CAAP1: variants seen among roughly 807,000 people sequenced by gnomAD.
CAAP1 encodes caspase activity and apoptosis inhibitor 1.
Under a neutral mutation model 34.0 loss-of-function variants are expected in CAAP1, and 20 were observed. The observed-to-expected ratio is 0.59, with a 90% CI of 0.41 to 0.86. The LOEUF is 0.86. Ranked by LOEUF, CAAP1 falls within the 40% of genes least tolerant of loss-of-function variation. The pLI is 0.00. For synonymous variants in CAAP1, 213 were observed against 166.7 expected (o/e 1.28, Z -2.14); for missense variants, 538 against 450.5 (o/e 1.19, Z -1.76).
Position 26,892,739 on chromosome 9 carries a change from A to C in CAAP1, c.-24T>G. 2 of 1,557,522 alleles carry C rather than the reference A, an allele frequency of 1.3e-6. No homozygotes were observed. Among genetic ancestry groups the C allele is most frequent in the South Asian group, 1.2e-5 (1 of 85,150 alleles). On this transcript the variant is annotated 5_prime_UTR_variant, in exon 1 of 6. Transcript: ENST00000333916. ...ATGATCCCTCTGCTGCAACCATCGGAGGAAAGTCCGCTGTCTCTGGTGCGA... is the reference window on the plus strand; with the variant it reads ...ATGATCCCTCTGCTGCAACCATCGGCGGAAAGTCCGCTGTCTCTGGTGCGA...
chr9:26,863,770 A>C (rs1387844006), intron 4 of CAAP1, among the ~76,000 whole-genome samples: 11 of 95,570 alleles, frequency 1.2e-4, no homozygotes, highest in African/African-American at 4.3e-4. Context: ...TTCCGTTTAA[A>C]TTAAAAAAAA....
chr9:26,849,741 G>T (rs1403246777), intron 5 of CAAP1, among the ~76,000 whole-genome samples: 15 of 151,686 alleles, frequency 9.9e-5, no homozygotes. Flanking sequence ...TAAAGTACTA[G>T]CAGTGCCTTT....
intron 5 of CAAP1, among the ~76,000 whole-genome samples, chr9:26,855,553 G>A (rs895135695): frequency 6.6e-6 from 1 of 152,042 alleles, no homozygotes; most frequent in African/African-American, 2.4e-5. Context: ...GGAACTCTCT[G>A]TACTTCCTGC....
intron 1 of CAAP1, among the ~76,000 whole-genome samples, chr9:26,889,082 A>G (rs1287873316): frequency 6.6e-6 from 1 of 152,170 alleles, no homozygotes; most frequent in Non-Finnish European, 1.5e-5. Flanking sequence ...TATAAACTAA[A>G]CGTTACACAT....
chr9:26,844,188 T>C (rs1464883808), intron 5 of CAAP1, among the ~76,000 whole-genome samples: 6 of 152,012 alleles, frequency 3.9e-5, no homozygotes, highest in African/African-American at 1.5e-4. Context: ...AGAAATCCCA[T>C]CTCTACTAAA....
chr9:26,889,498 A>G (rs1823844338), intron 1 of CAAP1, among the ~76,000 whole-genome samples: 1 of 152,206 alleles, frequency 6.6e-6, no homozygotes, highest in East Asian at 1.9e-4. Flanking sequence ...ACTTAACTGT[A>G]CATGTGAAAT....
At chr9:26,887,757 A>G (rs1358112664) in intron 1 of CAAP1, among the ~76,000 whole-genome samples, 2 of 152,166 alleles carry the variant, frequency 1.3e-5, no homozygotes, top group Non-Finnish European at 2.9e-5. Flanking sequence ...TACACAAACA[A>G]AAGTATAGTA....
Position 26,842,499 on chromosome 9 carries a change from T to C in CAAP1, c.888A>G (p.Lys296=), listed in dbSNP as rs748481503. The C allele has an allele frequency of 2.5e-6, 4 of 1,614,068 alleles. No individual in the cohort carries two copies. The highest frequency in any genetic ancestry group is 8.5e-7 in the Non-Finnish European group (1 of 1,180,050). ...TCTCATTCACACTTTTCTCAATGTC[T>C]TTCTCCAGGTCATCTATCTGACCAG... ...SEAGQIDDLE[K]DIEKSVNEIL... The change falls in exon 6 of 6, where the codon AAA becomes AAG. Residue 296 remains lysine (K), a synonymous_variant. Coordinates refer to ENST00000333916, the MANE Select transcript of CAAP1 (RefSeq NM_024828.4).
chr9:26,887,962 T>C (rs1054061232), intron 1 of CAAP1, among the ~76,000 whole-genome samples: 2 of 152,206 alleles, frequency 1.3e-5, no homozygotes, highest in African/African-American at 2.4e-5. Flanking sequence ...TCATCATTTT[T>C]AAAACTTTAT....
intron 4 of CAAP1, among the ~76,000 whole-genome samples, chr9:26,871,672 C>T (rs949337312): frequency 1.3e-5 from 2 of 151,836 alleles, no homozygotes; most frequent in African/African-American, 4.8e-5. Context: ...GCCTATAATC[C>T]CAGCACTTTG....
chr9:26,848,530 T>C (rs1441574121), intron 5 of CAAP1, among the ~76,000 whole-genome samples: 1 of 151,642 alleles, frequency 6.6e-6, no homozygotes, highest in Non-Finnish European at 1.5e-5. Context: ...AAAGAAAAAA[T>C]AGTTCTTATA....
At chr9:26,891,787 G>C (rs1244008183) in intron 1 of CAAP1, among the ~76,000 whole-genome samples, 1 of 152,138 alleles carries the variant, frequency 6.6e-6, no homozygotes, top group Non-Finnish European at 1.5e-5. Flanking sequence ...TACTAATGGA[G>C]GGGCAAGAAA....
At chr9:26,876,528 T>C (rs1026866414) in intron 4 of CAAP1, among the ~76,000 whole-genome samples, 1 of 150,972 alleles carries the variant, frequency 6.6e-6, no homozygotes, top group African/African-American at 2.4e-5. Flanking sequence ...ATGGTCATGC[T>C]TCTGTATTGG....
chr9:26,876,135 T>G (rs1412592566), intron 4 of CAAP1, among the ~76,000 whole-genome samples: 1 of 152,224 alleles, frequency 6.6e-6, no homozygotes, highest in Non-Finnish European at 1.5e-5. Context: ...AAAAATCTAC[T>G]TCCATCCTGT....
At chr9:26,857,840 T>C (rs1822909240) in intron 5 of CAAP1, among the ~76,000 whole-genome samples, 1 of 152,094 alleles carries the variant, frequency 6.6e-6, no homozygotes, top group Non-Finnish European at 1.5e-5. Context: ...TTCAAAAATA[T>C]TTTCTAGCAA....
In CAAP1 at chr9:26,887,362, C is replaced by T; in HGVS notation, c.455G>A (p.Cys152Tyr). 6.2e-7 allele frequency: 1 copy of T among 1,610,538 alleles called. No homozygotes were observed. The highest frequency in any genetic ancestry group is 8.5e-7 in the Non-Finnish European group (1 of 1,178,136). ...DKKEMLQQCF[C>Y]IIGEKKLQKM... ...CTGTAACTTTTTCTCTCCTATAATACAGAAGCACTGCTGAAGCATTTCTTT... is the reference window on the plus strand; with the variant it reads ...CTGTAACTTTTTCTCTCCTATAATATAGAAGCACTGCTGAAGCATTTCTTT... The change falls in exon 2 of 6, where the codon TGT (cysteine) becomes TAT (tyrosine). Residue 152 changes from cysteine (C) to tyrosine (Y), a missense_variant. Transcript: ENST00000333916.
intron 5 of CAAP1, 101 bp from the exon 6 acceptor site, chr9:26,842,748 C>A: frequency 2.2e-6 from 2 of 904,852 alleles, no homozygotes; most frequent in Admixed American, 2.8e-5. Context: ...CCACCTCCCA[C>A]TATGGAGTCC....
Position 26,892,726 on chromosome 9 carries a change from C to A in CAAP1, c.-11G>T. The A allele has an allele frequency of 6.4e-7, 1 of 1,571,438 alleles. No individual in the cohort carries two copies. The highest frequency in any genetic ancestry group is 8.6e-7 in the Non-Finnish European group (1 of 1,163,120). On this transcript the variant is annotated 5_prime_UTR_variant, in exon 1 of 6. Transcript: ENST00000333916. ...CTTTTTCCCCGTCATGATCCCTCTG[C>A]TGCAACCATCGGAGGAAAGTCCGCT... is the stretch of plus-strand genomic sequence containing the variant.
intron 4 of CAAP1, among the ~76,000 whole-genome samples, chr9:26,883,197 A>G (rs1463504242): frequency 6.6e-6 from 1 of 152,182 alleles, no homozygotes; most frequent in Non-Finnish European, 1.5e-5. Flanking sequence ...GCCGGGGCAG[A>G]ATGATACGGT....
Sources: allele counts gnomAD v4.1 joint callset (sites outside exome capture counted in the v4.1 genomes callset), GRCh38; gene constraint gnomAD v4.1.1; transcripts MANE v1.5; gene names NCBI Gene and HGNC (gene_info 2026-07-23, HGNC 2026-07-21).